The following ANO2 variants were observed in gnomAD, a reference collection of about 807,000 sequenced individuals.
ANO2 encodes anoctamin 2.
In ANO2, 101 loss-of-function variants were observed where a neutral mutation model predicts 124.2. The ratio of observed to expected loss-of-function variants is 0.81; its 90% CI spans 0.69 to 0.96. ANO2 has a LOEUF of 0.96. ANO2 is among the 40% of genes least tolerant of loss of function. The probability of loss-of-function intolerance (pLI) is 0.00; values close to 1 mark genes in which losing one functional copy is unlikely to be tolerated. For missense variants in ANO2, 1,293 were observed against 1,274.5 expected (o/e 1.01, Z -0.22); for synonymous variants, 486 against 482.5 (o/e 1.01, Z -0.09).
At chr12:5,591,229 TCA>T (rs1291207413) in intron 20 of ANO2, among the ~76,000 whole-genome samples, 1 of 152,060 alleles carries the variant, frequency 6.6e-6, no homozygotes, top group African/African-American at 2.4e-5. Context: ...ACGGGGAAAA[TCA>T]CAGAGTGATT....
At chr12:5,778,259 G>A (rs576198122) in intron 10 of ANO2, among the ~76,000 whole-genome samples, 11 of 152,152 alleles carry the variant, frequency 7.2e-5, no homozygotes, top group Non-Finnish European at 5.9e-5. Flanking sequence ...TATAGATGAG[G>A]ACTGAGAAAA....
At position 5,826,996 on chromosome 12, in the gene ANO2, T is replaced by G. The variant is rs149241604; in HGVS notation, c.892+773A>C. 2.8e-3 allele frequency among the ~76,000 whole-genome samples: 433 copies of G among 152,318 alleles called. 3 individuals carry two copies. The highest frequency in any genetic ancestry group is 6.8e-3 in the Middle Eastern group (2 of 294). ...GATGCCACTTGGAGATGGCAGCACC[T>G]TGGGAACAAGGGTTCAACATGCAAG... On this transcript the variant is annotated intron_variant, in intron 7 of 24. Transcript: ENST00000682330.
intron 20 of ANO2, among the ~76,000 whole-genome samples, chr12:5,581,056 C>T (rs953392159): frequency 6.6e-6 from 1 of 152,152 alleles, no homozygotes; most frequent in African/African-American, 2.4e-5. Flanking sequence ...TAAAGCTTTG[C>T]TGAGGAATTC....
At chr12:5,760,568 G>T (rs1355079571) in intron 10 of ANO2, among the ~76,000 whole-genome samples, 2 of 152,120 alleles carry the variant, frequency 1.3e-5, no homozygotes, top group Non-Finnish European at 2.9e-5. Flanking sequence ...GCTTTTAGGG[G>T]TTTCCTTAAA....
intron 11 of ANO2, among the ~76,000 whole-genome samples, chr12:5,747,833 G>T (rs1489889149): frequency 6.6e-6 from 1 of 152,210 alleles, no homozygotes; most frequent in African/African-American, 2.4e-5. Flanking sequence ...ACCCACCAGT[G>T]GTTGTTGTCA....
chr12:5,637,890 G>A (rs749245584), intron 15 of ANO2, among the ~76,000 whole-genome samples: 2 of 152,270 alleles, frequency 1.3e-5, no homozygotes, highest in Non-Finnish European at 2.9e-5. Context: ...GCAGGAACTT[G>A]CAGAGTACCA....
At chr12:5,847,445 C>CTGTGTGTGTGTGTG (rs35366359) in intron 4 of ANO2, among the ~76,000 whole-genome samples, 2 of 144,686 alleles carry the variant, frequency 1.4e-5, no homozygotes, top group Admixed American at 6.9e-5. Flanking sequence ...CATAACACCT[C>CTGTGTGTGTGTGTG]TGTGTGTGTG....
chr12:5,643,033 T>G (rs547853739), intron 15 of ANO2, among the ~76,000 whole-genome samples: 3 of 151,638 alleles, frequency 2.0e-5, no homozygotes, highest in East Asian at 3.9e-4. Context: ...CTTTTTAAAT[T>G]TTATTGTGAA....
At chr12:5,906,644 A>C (rs1436400011) in intron 3 of ANO2, among the ~76,000 whole-genome samples, 2 of 152,034 alleles carry the variant, frequency 1.3e-5, no homozygotes, top group Admixed American at 6.6e-5. Context: ...AAAATACAAA[A>C]ATTAGCTGGG....
At chr12:5,657,772 G>A (rs1275886821) in intron 14 of ANO2, among the ~76,000 whole-genome samples, 1 of 98,138 alleles carries the variant, frequency 1.0e-5, no homozygotes, top group Non-Finnish European at 2.3e-5. Context: ...AATTTCAGGT[G>A]GAGATTAATA....
chr12:5,815,701 T>A (rs1953585013), intron 7 of ANO2, among the ~76,000 whole-genome samples: 2 of 152,204 alleles, frequency 1.3e-5, no homozygotes, highest in South Asian at 4.1e-4. Flanking sequence ...TGCATATGTG[T>A]TCTATTTTCT....
chr12:5,774,888 C>T (rs1442989354), intron 10 of ANO2, among the ~76,000 whole-genome samples: 3 of 152,236 alleles, frequency 2.0e-5, no homozygotes, highest in Non-Finnish European at 4.4e-5. Context: ...GGCATTGCAT[C>T]TCTTCTTGAT....
At chr12:5,613,035 G>A in intron 17 of ANO2, 77 bp from the exon 18 acceptor site, 2 of 1,395,792 alleles carry the variant, frequency 1.4e-6, no homozygotes, top group Admixed American at 1.7e-5. Context: ...CTTCTGAGGG[G>A]AATACCACCA....
intron 10 of ANO2, among the ~76,000 whole-genome samples, chr12:5,763,195 A>T (rs183013147): frequency 6.6e-6 from 1 of 152,194 alleles, no homozygotes; most frequent in East Asian, 1.9e-4. Flanking sequence ...TCTATAAAAA[A>T]TAACTATTAA....
intron 20 of ANO2, among the ~76,000 whole-genome samples, chr12:5,582,788 T>A (rs1303923236): frequency 6.6e-6 from 1 of 152,328 alleles, no homozygotes; most frequent in East Asian, 1.9e-4. Context: ...CCTTGGTACA[T>A]GCCACTACTG....
intron 14 of ANO2, among the ~76,000 whole-genome samples, chr12:5,697,493 T>C (rs1949230849): frequency 6.6e-6 from 1 of 151,924 alleles, no homozygotes; most frequent in Admixed American, 6.6e-5. Context: ...GATGGCTGAA[T>C]AGGAACAGCT....
At chr12:5,733,011 G>A (rs1250248066) in intron 13 of ANO2, 16 of 1,007,582 alleles carry the variant, frequency 1.6e-5, no homozygotes, top group East Asian at 5.1e-5. Context: ...ACCAACTATC[G>A]TCAGACCTCA....
At position 5,664,591 on chromosome 12, in the gene ANO2, T is replaced by C. The variant is rs142094374; in HGVS notation, c.1546-16790A>G. ...GGTTGCTTGACCAGGGTTACACTAG[T>C]ACACTAGTAAACAGCTGACCCAGGC... is the stretch of plus-strand genomic sequence containing the variant. On this transcript the variant is annotated intron_variant, in intron 14 of 24. Transcript: ENST00000682330. Among the ~76,000 whole-genome samples the C allele has an allele frequency of 1.6e-3, 248 of 152,344 alleles. 5 individuals are homozygous for C. In the East Asian group the frequency reaches 0.042, roughly 26 times the overall value.
At chr12:5,859,640 C>CT (rs1203976032) in intron 3 of ANO2, among the ~76,000 whole-genome samples, 1 of 152,140 alleles carries the variant, frequency 6.6e-6, no homozygotes, top group African/African-American at 2.4e-5. Context: ...TCAAGCAATC[C>CT]TCCCACCTCA....
Sources: allele counts gnomAD v4.1 joint callset (sites outside exome capture counted in the v4.1 genomes callset), GRCh38; gene constraint gnomAD v4.1.1; transcripts MANE v1.5; gene names NCBI Gene and HGNC (gene_info 2026-07-23, HGNC 2026-07-21).